ACOT7: variants seen among roughly 807,000 people sequenced by gnomAD.
ACOT7 encodes acyl-CoA thioesterase 7.
A neutral mutation model predicts 40.2 loss-of-function variants in ACOT7; 12 were observed. The ratio of observed to expected loss-of-function variants is 0.30; its 90% CI spans 0.19 to 0.48. ACOT7 has a LOEUF of 0.48. Among genes scored for constraint, ACOT7 ranks in the 20% least tolerant of loss-of-function variants. The pLI is 0.99. For synonymous variants in ACOT7, 228 were observed against 219.5 expected (o/e 1.04, Z -0.34); for missense variants, 395 against 530.8 (o/e 0.74, Z 2.51).
At chr1:6,331,090 A>G (rs977177728) in intron 4 of ACOT7, among the ~76,000 whole-genome samples, 1 of 152,166 alleles carries the variant, frequency 6.6e-6, no homozygotes, top group Non-Finnish European at 1.5e-5. Flanking sequence ...CCCCCAAGTT[A>G]GCACTGCTGA....
At chr1:6,312,602 G>T (rs951470231) in intron 6 of ACOT7, among the ~76,000 whole-genome samples, 1 of 152,058 alleles carries the variant, frequency 6.6e-6, no homozygotes, top group African/African-American at 2.4e-5. Context: ...CAAGCAGCTG[G>T]GATTACAGGC....
intron 6 of ACOT7, among the ~76,000 whole-genome samples, chr1:6,303,016 G>A (rs1212991406): frequency 6.6e-6 from 1 of 150,724 alleles, no homozygotes; most frequent in Non-Finnish European, 1.5e-5. Context: ...CTGGGCCCCT[G>A]CCTTGCCAGA....
chr1:6,291,875 C>G (rs114732868), intron 7 of ACOT7, among the ~76,000 whole-genome samples: 6 of 152,194 alleles, frequency 3.9e-5, no homozygotes, highest in African/African-American at 1.4e-4. Context: ...CGTGCCTCCC[C>G]GCACAGCCTC....
chr1:6,361,277 G>A lies in ACOT7; in HGVS notation c.144-11411C>T, dbSNP rs76067292. On this transcript the variant is annotated intron_variant, in intron 1 of 8. Coordinates refer to ENST00000361521, the MANE Select transcript of ACOT7 (RefSeq NM_007274.4). ...CCATGTATATTAAATGTCCACAACA[G>A]GCAGATCTACAGAAACAGAAAGTCA... Among the ~76,000 whole-genome samples the A allele has an allele frequency of 1.0e-2, 1,516 of 152,264 alleles. 24 individuals carry two copies. Among genetic ancestry groups the A allele is most frequent in the African/African-American group, 0.034 (1,425 of 41,546 alleles).
Position 6,306,854 on chromosome 1 carries a change from T to C in ACOT7, c.712+11638A>G, listed in dbSNP as rs2148409303. 7.8e-7 allele frequency: 1 copy of C among 1,289,114 alleles called. No homozygotes were observed. Among genetic ancestry groups the C allele is most frequent in the South Asian group, 1.2e-5 (1 of 81,008 alleles). 79.9% of individuals were successfully genotyped at this position (1,289,114 alleles called of 1,614,324 possible). ...TGGAAAAGAGTAACTGTGCCCTCTT[T>C]TGCATTTTTCAGTGAAAGTCAACTC... On this transcript the variant is annotated intron_variant, in intron 6 of 8. Coordinates refer to ENST00000361521, the MANE Select transcript of ACOT7 (RefSeq NM_007274.4). The surrounding 1 kb of genome is among the most constrained non-coding windows in gnomAD (Gnocchi z 4.3).
rs1367041310 is a variant in ACOT7, at chr1:6,358,175, TCTC to T, written c.144-8312_144-8310del. Among the ~76,000 whole-genome samples, 1 of 151,946 alleles carries T rather than the reference TCTC, an allele frequency of 6.6e-6. No individual in the cohort carries two copies. On this transcript the variant is annotated intron_variant, in intron 1 of 8. Transcript: ENST00000361521. This position sits in a 1 kb window ranked among gnomAD's most constrained non-coding sequence, Gnocchi z 4.1. ...TGAGTCACAGAGTCTGGCCCCTGCTTCTCCTCTTTGACTTGCTGCCTAAGGCAG... is the reference window on the plus strand; with the variant it reads ...TGAGTCACAGAGTCTGGCCCCTGCTTCTCTTTGACTTGCTGCCTAAGGCAG...
intron 7 of ACOT7, among the ~76,000 whole-genome samples, chr1:6,293,379 G>A (rs565186104): frequency 2.0e-5 from 3 of 152,314 alleles, no homozygotes; most frequent in East Asian, 3.9e-4. Context: ...AGATTCTCCT[G>A]CAGAGTCACG....
intron 8 of ACOT7, among the ~76,000 whole-genome samples, 176 bp from the exon 9 acceptor site, chr1:6,264,871 A>T (rs1370955898): frequency 6.6e-6 from 1 of 152,162 alleles, no homozygotes; most frequent in Non-Finnish European, 1.5e-5. Flanking sequence ...TAGCCCAGGC[A>T]TGGGGCTCAT....
chr1:6,366,829 G>C (rs758899313), intron 1 of ACOT7, among the ~76,000 whole-genome samples: 7 of 151,672 alleles, frequency 4.6e-5, no homozygotes, highest in Non-Finnish European at 1.0e-4. Context: ...CTAATTTTTT[G>C]TATTTTAGTA....
intron 1 of ACOT7, among the ~76,000 whole-genome samples, chr1:6,370,222 T>A (rs997148214): frequency 2.6e-5 from 4 of 152,096 alleles, no homozygotes; most frequent in Non-Finnish European, 4.4e-5. Context: ...CTGCTGTAAG[T>A]AGAAGTGGCC....
chr1:6,373,281 C>A (rs544847582), intron 1 of ACOT7, among the ~76,000 whole-genome samples: 6 of 151,820 alleles, frequency 4.0e-5, no homozygotes, highest in African/African-American at 1.5e-4. Flanking sequence ...GAAGGAGTCT[C>A]GCTCTGTTGC....
At position 6,270,705 on chromosome 1, in the gene ACOT7, C is replaced by T. The variant is rs143997776; in HGVS notation, c.1015-6010G>A. On this transcript the variant is annotated intron_variant, in intron 8 of 8. Coordinates refer to ENST00000361521, the MANE Select transcript of ACOT7 (RefSeq NM_007274.4). ...AAGTGCTTCCTATGGTGCCGGTGCA[C>T]GTGAGCTCCTACGTGTGTGTGCACA... 4.7e-3 allele frequency among the ~76,000 whole-genome samples: 711 copies of T among 152,308 alleles called. 9 individuals carry two copies. The highest frequency in any genetic ancestry group is 0.016 in the African/African-American group (685 of 41,558).
At chr1:6,380,713 C>CA (rs61258408) in intron 1 of ACOT7, among the ~76,000 whole-genome samples, 16,327 of 105,786 alleles carry the variant, frequency 0.15, 1,829 homozygotes, top group African/African-American at 0.33. Context: ...ATAGCATATA[C>CA]AAAAAAAAAA....
chr1:6,335,718 AG>A (rs981518401), intron 3 of ACOT7, among the ~76,000 whole-genome samples: 13 of 152,226 alleles, frequency 8.5e-5, no homozygotes, highest in African/African-American at 2.9e-4. Context: ...ATCAAGCCCC[AG>A]GGGGCCCATT....
rs41278934 is a variant in ACOT7 at position 6,358,797 on chromosome 1, G to A, written c.144-8931C>T. 49,433 of 1,608,574 alleles carry A rather than the reference G, an allele frequency of 0.031. 939 individuals are homozygous for A. Among genetic ancestry groups the A allele is most frequent in the Non-Finnish European group, 0.035 (41,462 of 1,175,070 alleles). ...AATCCACCCACAGTGGCCCCTGCAC[G>A]GCCTAGACATGCCCATGACTGGCAG... On this transcript the variant is annotated intron_variant, in intron 1 of 8. Transcript: ENST00000361521. This position sits in a 1 kb window ranked among gnomAD's most constrained non-coding sequence, Gnocchi z 4.1.
intron 8 of ACOT7, among the ~76,000 whole-genome samples, chr1:6,280,051 G>A (rs1046811499): frequency 4.6e-5 from 7 of 152,226 alleles, no homozygotes; most frequent in African/African-American, 1.2e-4. Flanking sequence ...GGGAGCAGAC[G>A]CCGCGGGGGC....
In ACOT7 at chr1:6,288,916, G is replaced by A. The variant is rs1462121349; in HGVS notation, c.829+5948C>T. 4.6e-5 allele frequency among the ~76,000 whole-genome samples: 7 copies of A among 152,174 alleles called. No homozygotes were observed. The highest frequency in any genetic ancestry group is 1.4e-4 in the African/African-American group (6 of 41,442). On this transcript the variant is annotated intron_variant, in intron 7 of 8. Coordinates refer to ENST00000361521, the MANE Select transcript of ACOT7 (RefSeq NM_007274.4). This position sits in a 1 kb window ranked among gnomAD's most constrained non-coding sequence, Gnocchi z 4.3. ...TTCCTGACAGACACCCCACCCAAGCGAGGGCAAGCCACAGCCACAGGGCCT... is the reference window on the plus strand; with the variant it reads ...TTCCTGACAGACACCCCACCCAAGCAAGGGCAAGCCACAGCCACAGGGCCT...
At chr1:6,272,674 G>C (rs140427350) in intron 8 of ACOT7, among the ~76,000 whole-genome samples, 1 of 152,340 alleles carries the variant, frequency 6.6e-6, no homozygotes, top group African/African-American at 2.4e-5. Context: ...ACCCCTTGCT[G>C]AGAGCGCCGA....
chr1:6,310,795 T>G (rs1180785101), intron 6 of ACOT7, among the ~76,000 whole-genome samples: 1 of 152,114 alleles, frequency 6.6e-6, no homozygotes, highest in East Asian at 1.9e-4. Context: ...TGGAGTGCAG[T>G]GGTATGATCT....
Sources: allele counts gnomAD v4.1 joint callset (sites outside exome capture counted in the v4.1 genomes callset), GRCh38; gene constraint gnomAD v4.1.1; non-coding constraint Gnocchi (gnomAD v3.1); transcripts MANE v1.5; gene names NCBI Gene and HGNC (gene_info 2026-07-23, HGNC 2026-07-21).